MCF2L: variants seen among roughly 807,000 people sequenced by gnomAD.
MCF2L encodes guanine nucleotide exchange factor DBS.
A neutral mutation model predicts 153.4 loss-of-function variants in MCF2L; 97 were observed. The ratio of observed to expected loss-of-function variants is 0.63; its 90% CI spans 0.54 to 0.75. The LOEUF (loss-of-function observed/expected upper bound fraction) is 0.75, where lower values mean the gene tolerates loss of function less well. MCF2L is among the 30% of genes least tolerant of loss of function. The pLI, the probability that MCF2L is intolerant of heterozygous loss-of-function variation, is 0.00. For missense variants in MCF2L, 1,347 were observed against 1,495.2 expected (o/e 0.90, Z 1.64); for synonymous variants, 659 against 632.2 (o/e 1.04, Z -0.64).
rs928444334 is a variant in MCF2L at position 113,048,731 on chromosome 13, C to T, written c.369+3370C>T. Among the ~76,000 whole-genome samples the T allele has an allele frequency of 3.9e-5, 6 of 152,282 alleles. No individual in the cohort carries two copies. In the East Asian group the frequency reaches 7.7e-4, roughly 20 times the overall value. ...TGCTGGGATTACAGGTGTGAGCCAC[C>T]GCGCCCGGCTTATGGTCATATTAAT... On this transcript the variant is annotated intron_variant, in intron 4 of 29. Transcript: ENST00000535094.
At chr13:112,928,972 C>G (rs1448303472) in intron 2 of MCF2L, among the ~76,000 whole-genome samples, 1 of 152,214 alleles carries the variant, frequency 6.6e-6, no homozygotes, top group East Asian at 1.9e-4. Context: ...CCAGGAGACA[C>G]AAGCCAGCCT....
chr13:113,050,732 GGGC>G (rs2087223989), intron 4 of MCF2L, among the ~76,000 whole-genome samples: 1 of 29,588 alleles, frequency 3.4e-5, no homozygotes, highest in Non-Finnish European at 7.5e-5. Context: ...GGGGCGGGGG[GGGC>G]GGGGGGAGCG....
At chr13:112,971,651 G>A (rs1452121718) in intron 1 of MCF2L, among the ~76,000 whole-genome samples, 2 of 152,216 alleles carry the variant, frequency 1.3e-5, no homozygotes, top group African/African-American at 4.8e-5. Flanking sequence ...AGGCTAATCT[G>A]CATGTAAAGG....
chr13:113,085,569 T>A (rs1278157892), intron 20 of MCF2L, among the ~76,000 whole-genome samples: 1 of 152,112 alleles, frequency 6.6e-6, no homozygotes, highest in Non-Finnish European at 1.5e-5. Flanking sequence ...GGCAGGAAAC[T>A]GCAACTCCAT....
At chr13:113,084,485 C>T in intron 18 of MCF2L, 1 of 325,510 alleles carries the variant, frequency 3.1e-6, no homozygotes, top group South Asian at 5.6e-5. Flanking sequence ...AATTGCACTT[C>T]ACAATGGGGC....
At chr13:113,021,576 T>G (rs1053004016) in intron 2 of MCF2L, among the ~76,000 whole-genome samples, 1 of 152,176 alleles carries the variant, frequency 6.6e-6, no homozygotes, top group South Asian at 2.1e-4. Flanking sequence ...CTCTGTCCTC[T>G]GCGGCGTTCA....
chr13:113,088,156 G>C (rs139603510), intron 23 of MCF2L, among the ~76,000 whole-genome samples, 171 bp from the exon 24 acceptor site: 226 of 152,374 alleles, frequency 1.5e-3, no homozygotes, highest in Non-Finnish European at 2.5e-3. Flanking sequence ...ATGGGGCACA[G>C]AGGGTCCCGC....
intron 26 of MCF2L, chr13:113,090,879 G>T: frequency 1.2e-5 from 14 of 1,163,334 alleles, no homozygotes; most frequent in East Asian, 6.3e-5. Flanking sequence ...CTAGAGACGG[G>T]CCCCGAAAGG....
At chr13:112,944,711 C>A (rs1176221322) in intron 2 of MCF2L, among the ~76,000 whole-genome samples, 2 of 151,888 alleles carry the variant, frequency 1.3e-5, no homozygotes, top group African/African-American at 4.8e-5. Context: ...TGGTCTCGAT[C>A]TCCTGACCTC....
chr13:112,962,934 C>A (rs1395970795), intron 2 of MCF2L, among the ~76,000 whole-genome samples: 1 of 152,212 alleles, frequency 6.6e-6, no homozygotes, highest in Non-Finnish European at 1.5e-5. Context: ...CACTGCTGAC[C>A]AAGCATCTGG....
In MCF2L at chr13:113,096,400, C is replaced by T; in HGVS notation, c.3105C>T (p.Asp1035=). 6.3e-7 allele frequency: 1 copy of T among 1,592,078 alleles called. No homozygotes were observed. The highest frequency in any genetic ancestry group is 8.5e-7 in the Non-Finnish European group (1 of 1,170,624). Residue 1035 remains aspartate (D), a synonymous_variant, in exon 28 of 30, where the codon GAC becomes GAT. Transcript: ENST00000535094. ...CAGGTAAATACACGGTCGTGGCGGA[C>T]CACGAGAAGGGAGGCCCCGATGCGC... ...LVPGKYTVVA[D]HEKGGPDALR... is the part of the protein sequence containing the mutation.
chr13:112,970,345 G>C (rs1171292676), intron 1 of MCF2L, among the ~76,000 whole-genome samples: 2 of 152,120 alleles, frequency 1.3e-5, no homozygotes, highest in African/African-American at 4.8e-5. Context: ...CACCCCGATG[G>C]ATTCTGAGAG....
At chr13:113,032,540 G>A (rs1230396232) in intron 3 of MCF2L, among the ~76,000 whole-genome samples, 4 of 152,066 alleles carry the variant, frequency 2.6e-5, no homozygotes, top group African/African-American at 4.8e-5. Context: ...CTACCTTGGC[G>A]CCATTTGCTG....
At position 112,952,185 on chromosome 13, in the gene MCF2L, G is replaced by A. The variant is rs1017959955; in HGVS notation, c.169+49814G>A. On this transcript the variant is annotated intron_variant, in intron 2 of 29. Transcript: ENST00000375608. ...GTTAACAGTTCTAAGGTTGAATCGG[G>A]TGTGTTTAAATATTCAGAGCCGGGC... 8.5e-5 allele frequency among the ~76,000 whole-genome samples: 13 copies of A among 152,174 alleles called. 1 individual carries two copies. The South Asian group carries it at 2.3e-3, about 27-fold the overall frequency.
At chr13:113,006,808 G>A (rs1261674323) in intron 1 of MCF2L, among the ~76,000 whole-genome samples, 3 of 152,232 alleles carry the variant, frequency 2.0e-5, no homozygotes, top group Admixed American at 6.5e-5. Flanking sequence ...GGCCCAGGAG[G>A]CTCGGCCTGG....
chr13:113,091,231 C>T (rs951368815), intron 26 of MCF2L: 63 of 1,303,176 alleles, frequency 4.8e-5, no homozygotes, highest in Non-Finnish European at 5.8e-5. Context: ...ACCCACTCTG[C>T]GTTGGCAGGA....
Position 113,077,856 on chromosome 13 carries a change from G to A in MCF2L, c.1661-507G>A, listed in dbSNP as rs573661580. Among the ~76,000 whole-genome samples, 19 of 152,346 alleles carry A rather than the reference G, an allele frequency of 1.2e-4. No individual in the cohort carries two copies. The South Asian group carries it at 2.5e-3, about 20-fold the overall frequency. ...GGCGAGCTGCTGCCCCAGCTTTGGC[G>A]AAAGTCAGCTGTCAATCTCAGGGGC... On this transcript the variant is annotated intron_variant, in intron 13 of 29. Coordinates refer to ENST00000535094, the MANE Select transcript of MCF2L (RefSeq NM_001112732.3).
intron 3 of MCF2L, among the ~76,000 whole-genome samples, chr13:113,037,530 G>A (rs2086227563): frequency 1.3e-5 from 2 of 152,180 alleles, no homozygotes; most frequent in African/African-American, 4.8e-5. Context: ...TCTGTTAGAT[G>A]GAAACAGGTT....
At chr13:113,021,729 G>A (rs116711888) in intron 2 of MCF2L, among the ~76,000 whole-genome samples, 3,373 of 152,302 alleles carry the variant, frequency 0.022, 125 homozygotes, top group African/African-American at 0.077. Flanking sequence ...CGCGTCCAGC[G>A]GTGTTTTGCT....
Sources: gnomAD v4.1 joint callset for allele counts (sites outside exome capture counted in the v4.1 genomes callset) on GRCh38, gnomAD v4.1.1 for gene constraint, MANE v1.5 for transcripts, NCBI Gene and HGNC (gene_info 2026-07-23, HGNC 2026-07-21) for gene names.